Variants in CAPS2 observed in about 807,000 individuals in gnomAD.
CAPS2 encodes calcyphosin-2.
In CAPS2, 98 loss-of-function variants were observed where a neutral mutation model predicts 86.5. The observed-to-expected ratio is 1.13, with a 90% confidence interval of 0.96 to 1.34. CAPS2 has a LOEUF of 1.34. Among genes scored for constraint, CAPS2 ranks in the 40% most tolerant of loss-of-function variants. CAPS2 has a pLI of 0.00. For missense variants in CAPS2, 729 were observed against 686.8 expected (o/e 1.06, Z -0.69); for synonymous variants, 210 against 225.1 (o/e 0.93, Z 0.60).
At chr12:75,287,240 T>C (rs1199307638) in intron 14 of CAPS2, among the ~76,000 whole-genome samples, 1 of 152,012 alleles carries the variant, frequency 6.6e-6, no homozygotes, top group Non-Finnish European at 1.5e-5. Context: ...TCTCTCTCTC[T>C]CTCTGACCTT....
intron 1 of CAPS2, among the ~76,000 whole-genome samples, chr12:75,382,380 C>T (rs901423091): frequency 1.3e-5 from 2 of 152,086 alleles, no homozygotes; most frequent in Non-Finnish European, 2.9e-5. Flanking sequence ...TGGCTCACGC[C>T]TATAATTCCA....
chr12:75,385,957 A>C (rs1349795423), intron 1 of CAPS2, among the ~76,000 whole-genome samples: 3 of 152,216 alleles, frequency 2.0e-5, no homozygotes, highest in African/African-American at 7.2e-5. Context: ...GAACTGAATA[A>C]ATGAAGAAAT....
At chr12:75,317,492 T>C (rs1221943770) in intron 5 of CAPS2, among the ~76,000 whole-genome samples, 2 of 152,156 alleles carry the variant, frequency 1.3e-5, no homozygotes, top group African/African-American at 4.8e-5. Flanking sequence ...GAAAACACTT[T>C]CGAAATAATT....
chr12:75,320,548 C>A (rs80294010), intron 5 of CAPS2, among the ~76,000 whole-genome samples: 11,356 of 152,004 alleles, frequency 0.075, 705 homozygotes, highest in Admixed American at 0.18. Flanking sequence ...ACTCTTTCAG[C>A]TAATCACTGT....
At chr12:75,307,027 C>T (rs993160756) in intron 7 of CAPS2, among the ~76,000 whole-genome samples, 1 of 151,990 alleles carries the variant, frequency 6.6e-6, no homozygotes, top group African/African-American at 2.4e-5. Flanking sequence ...CAGGAGTAGA[C>T]AGCACAGTGA....
At chr12:75,355,351 GC>G (rs2043085010) in intron 1 of CAPS2, among the ~76,000 whole-genome samples, 1 of 152,170 alleles carries the variant, frequency 6.6e-6, no homozygotes, top group South Asian at 2.1e-4. Flanking sequence ...CATTTATGCA[GC>G]CAACGAACTA....
chr12:75,358,804 TTATA>T (rs1262728183), intron 1 of CAPS2, among the ~76,000 whole-genome samples: 1 of 144,372 alleles, frequency 6.9e-6, no homozygotes, highest in African/African-American at 2.5e-5. Context: ...ATATAATATA[TTATA>T]TATGTTTAAA....
chr12:75,309,716 G>C (rs1481752771), intron 7 of CAPS2, among the ~76,000 whole-genome samples: 1 of 152,166 alleles, frequency 6.6e-6, no homozygotes, highest in Non-Finnish European at 1.5e-5. Flanking sequence ...ATATACTGTA[G>C]ATTCTGTTCA....
intron 1 of CAPS2, chr12:75,361,146 G>A (rs1170596799): frequency 2.0e-5 from 3 of 152,078 alleles, no homozygotes; most frequent in African/African-American, 7.2e-5. Flanking sequence ...TGGGACTGGG[G>A]CTCTTTATGG....
chr12:75,377,067 G>A (rs775618695), intron 1 of CAPS2, among the ~76,000 whole-genome samples: 1 of 152,170 alleles, frequency 6.6e-6, no homozygotes, highest in African/African-American at 2.4e-5. Flanking sequence ...TTTCTCAAGA[G>A]CATTGAATCA....
chr12:75,310,150 A>C (rs951659412), intron 7 of CAPS2, among the ~76,000 whole-genome samples: 1 of 152,222 alleles, frequency 6.6e-6, no homozygotes, highest in African/African-American at 2.4e-5. Context: ...TGAAGCTCAC[A>C]TTCTGAAGAG....
upstream of CAPS2, among the ~76,000 whole-genome samples, chr12:75,333,114 T>C (rs1593612891): frequency 2.0e-5 from 3 of 152,288 alleles, no homozygotes; most frequent in Admixed American, 1.3e-4. Context: ...AGATTTTTTA[T>C]TGTAGCCCCC....
chr12:75,284,992 A>G, exon 15 of CAPS2: 1 of 1,608,440 alleles, frequency 6.2e-7, no homozygotes, highest in Non-Finnish European at 8.5e-7. Context: ...GTATTCATTC[A>G]TTTCACCAAT....
At chr12:75,372,561 G>A (rs1422322909) in intron 1 of CAPS2, among the ~76,000 whole-genome samples, 3 of 152,170 alleles carry the variant, frequency 2.0e-5, no homozygotes, top group African/African-American at 4.8e-5. Flanking sequence ...TAGGGGTGAT[G>A]GTGAGTGGTG....
chr12:75,334,839 CATAGAAGCCCACAACGA>C, upstream of CAPS2: 2 of 1,614,144 alleles, frequency 1.2e-6, no homozygotes, highest in Non-Finnish European at 1.7e-6. Context: ...TAGACAACTG[CATAGAAGCCCACAACGA>C]ATGGCGTGGC....
At chr12:75,354,789 C>G (rs2043043692) in intron 1 of CAPS2, among the ~76,000 whole-genome samples, 1 of 152,072 alleles carries the variant, frequency 6.6e-6, no homozygotes, top group Non-Finnish European at 1.5e-5. Context: ...GACACACAGA[C>G]CAATGGAACA....
intron 1 of CAPS2, chr12:75,360,335 G>A (rs141397877): frequency 1.4e-3 from 219 of 152,236 alleles, no homozygotes; most frequent in African/African-American, 4.9e-3. Context: ...ATAATCCAAA[G>A]TCTCATCTGA....
At chr12:75,355,229 A>G (rs930254674) in intron 1 of CAPS2, among the ~76,000 whole-genome samples, 47 of 152,368 alleles carry the variant, frequency 3.1e-4, no homozygotes, top group African/African-American at 1.0e-3. Flanking sequence ...CAATCTATCC[A>G]TCTGACAAAG....
intron 1 of CAPS2, among the ~76,000 whole-genome samples, chr12:75,379,124 A>G (rs1467142221): frequency 6.6e-6 from 1 of 152,198 alleles, no homozygotes; most frequent in Non-Finnish European, 1.5e-5. Flanking sequence ...TTACCCCTTT[A>G]TACTTATTCA....
Sources: gnomAD v4.1 joint callset for allele counts (sites outside exome capture counted in the v4.1 genomes callset) on GRCh38, gnomAD v4.1.1 for gene constraint, MANE v1.5 for transcripts, NCBI Gene and HGNC (gene_info 2026-07-23, HGNC 2026-07-21) for gene names.